DLGAP4: variants seen among roughly 807,000 people sequenced by gnomAD.
DLGAP4 encodes DLG associated protein 4, also known as disks large-associated protein 4.
A neutral mutation model predicts 86.9 loss-of-function variants in DLGAP4; 18 were observed. The observed-to-expected ratio is 0.21, with a 90% CI of 0.14 to 0.31. The LOEUF is 0.31. Among genes scored for constraint, DLGAP4 ranks in the 10% least tolerant of loss-of-function variants. The pLI is 1.00. For synonymous variants in DLGAP4, 548 were observed against 574.3 expected, an observed-to-expected ratio of 0.95 and a Z score of 0.65; for missense variants, 1,085 against 1,362.6, an observed-to-expected ratio of 0.80 and a Z score of 3.21.
At chr20:36,316,316 C>A (rs2065099119) in intron 1 of DLGAP4, among the ~76,000 whole-genome samples, 1 of 152,138 alleles carries the variant, frequency 6.6e-6, no homozygotes, top group Non-Finnish European at 1.5e-5. Context: ...ACAGCCCCCT[C>A]CTGCTTTGCC....
chr20:36,448,653 G>A (rs879327040), intron 7 of DLGAP4, among the ~76,000 whole-genome samples: 2 of 152,166 alleles, frequency 1.3e-5, no homozygotes, highest in Admixed American at 1.3e-4. Context: ...ACAATTGGGG[G>A]CTGGGCATGG....
chr20:36,528,415 T>G lies in DLGAP4; in HGVS notation c.*1384T>G, dbSNP rs1249985743. 1 of 151,502 alleles carries G rather than the reference T, an allele frequency of 6.6e-6. No homozygotes were observed. Among genetic ancestry groups the G allele is most frequent in the East Asian group, 2.0e-4 (1 of 5,116 alleles). 9.4% of individuals were successfully genotyped at this position (151,502 alleles called of 1,614,324 possible). ...ATGCGCCTCTCTGGCATCCGAGACA[T>G]CCTCTTGGCTGGCGCTTGCTGCAGG... On this transcript the variant is annotated 3_prime_UTR_variant, in exon 13 of 13. Transcript: ENST00000339266.
At chr20:36,338,496 C>T (rs1350012668) in intron 1 of DLGAP4, among the ~76,000 whole-genome samples, 1 of 152,172 alleles carries the variant, frequency 6.6e-6, no homozygotes, top group Non-Finnish European at 1.5e-5. Flanking sequence ...TGCTTGAACC[C>T]GGGAGGCGGA....
At chr20:36,526,434 G>A (rs1471341895) in intron 12 of DLGAP4, among the ~76,000 whole-genome samples, 1 of 152,044 alleles carries the variant, frequency 6.6e-6, no homozygotes, top group Non-Finnish European at 1.5e-5. Context: ...GTTGAACCGT[G>A]GCCCTGTCTA....
chr20:36,463,273 A>G lies in DLGAP4; in HGVS notation c.1648+16336A>G, dbSNP rs550711640. On this transcript the variant is annotated intron_variant, in intron 7 of 12. Coordinates refer to ENST00000339266, the MANE Select transcript of DLGAP4 (RefSeq NM_001365621.2). ...CCTTGTCCTCTCTGTCAGTTTCCCT[A>G]TCTGTAAAAAGTGGATAATTGTGCT... 7.2e-5 allele frequency among the ~76,000 whole-genome samples: 11 copies of G among 152,276 alleles called. No individual in the cohort carries two copies. The South Asian group carries it at 1.9e-3, about 26-fold the overall frequency.
At chr20:36,335,948 T>C (rs2065317324) in intron 1 of DLGAP4, among the ~76,000 whole-genome samples, 1 of 152,150 alleles carries the variant, frequency 6.6e-6, no homozygotes, top group Non-Finnish European at 1.5e-5. Context: ...GCAGATCAGA[T>C]CAGAGAGGAA....
At chr20:36,434,099 A>G (rs1202900037) in intron 3 of DLGAP4, among the ~76,000 whole-genome samples, 2 of 151,240 alleles carry the variant, frequency 1.3e-5, no homozygotes, top group East Asian at 3.9e-4. Context: ...GCGAGCCACC[A>G]AGACTGACCA....
intron 2 of DLGAP4, among the ~76,000 whole-genome samples, chr20:36,429,471 C>T (rs1307525509): frequency 7.3e-6 from 1 of 136,900 alleles, no homozygotes; most frequent in Non-Finnish European, 1.5e-5. Context: ...GTGGCACGAT[C>T]TCAGCTCACT....
At chr20:36,494,953 A>G (rs1192793440) in intron 7 of DLGAP4, among the ~76,000 whole-genome samples, 1 of 151,508 alleles carries the variant, frequency 6.6e-6, no homozygotes, top group African/African-American at 2.4e-5. Context: ...TCTCTACCAA[A>G]AGTAAAAAAG....
intron 7 of DLGAP4, among the ~76,000 whole-genome samples, chr20:36,479,280 G>A (rs1462763279): frequency 6.6e-6 from 1 of 152,056 alleles, no homozygotes; most frequent in Non-Finnish European, 1.5e-5. Flanking sequence ...AGTCTTCTAG[G>A]ATGAGGGCTC....
intron 2 of DLGAP4, among the ~76,000 whole-genome samples, chr20:36,401,175 C>T (rs1047094335): frequency 6.6e-6 from 1 of 152,174 alleles, no homozygotes; most frequent in Admixed American, 6.5e-5. Context: ...CTGCCGCTCC[C>T]TGAGAAAATG....
At chr20:36,514,256 T>C (rs112888920) in intron 10 of DLGAP4, among the ~76,000 whole-genome samples, 6 of 152,088 alleles carry the variant, frequency 3.9e-5, no homozygotes, top group African/African-American at 9.6e-5. Context: ...TTTGGTGGAA[T>C]TGTGATGGCA....
chr20:36,348,857 T>G (rs1197949299), intron 1 of DLGAP4, among the ~76,000 whole-genome samples: 1 of 150,886 alleles, frequency 6.6e-6, no homozygotes, highest in Non-Finnish European at 1.5e-5. Context: ...TCCCAGAACT[T>G]TGGGAGGCCG....
chr20:36,386,277 T>A (rs2031593788), intron 2 of DLGAP4, among the ~76,000 whole-genome samples: 1 of 152,038 alleles, frequency 6.6e-6, no homozygotes, highest in African/African-American at 2.4e-5. Flanking sequence ...ATAGGGGAGT[T>A]CCTTGCATAG....
intron 1 of DLGAP4, among the ~76,000 whole-genome samples, chr20:36,331,683 C>CAG (rs2147359576): frequency 6.6e-6 from 1 of 152,342 alleles, no homozygotes; most frequent in East Asian, 1.9e-4. Context: ...GTTTATGGAG[C>CAG]ACCTACTGTG....
intron 2 of DLGAP4, among the ~76,000 whole-genome samples, chr20:36,423,356 T>C (rs1034561404): frequency 7.0e-6 from 1 of 143,730 alleles, no homozygotes; most frequent in Non-Finnish European, 1.5e-5. Flanking sequence ...TTGAGGAGGC[T>C]GAGGCAGGAG....
intron 2 of DLGAP4, among the ~76,000 whole-genome samples, chr20:36,371,267 C>T (rs1028880697): frequency 2.6e-5 from 4 of 152,190 alleles, no homozygotes; most frequent in South Asian, 2.1e-4. Context: ...GCTATGCTGA[C>T]GGAGCATCTC....
intron 7 of DLGAP4, among the ~76,000 whole-genome samples, chr20:36,458,907 T>A (rs1289146240): frequency 6.6e-6 from 1 of 151,966 alleles, no homozygotes; most frequent in Non-Finnish European, 1.5e-5. Context: ...GGATTGGATG[T>A]GGGTGAGAGT....
At chr20:36,512,838 A>G (rs2036787124) in intron 10 of DLGAP4, 1 of 148,742 alleles carries the variant, frequency 6.7e-6, no homozygotes, top group Admixed American at 6.7e-5. Context: ...GGCTGAGGGA[A>G]GCCACCAGTG....
Sources: gnomAD v4.1 joint callset for allele counts (sites outside exome capture counted in the v4.1 genomes callset) on GRCh38, gnomAD v4.1.1 for gene constraint, MANE v1.5 for transcripts, NCBI Gene and HGNC (gene_info 2026-07-23, HGNC 2026-07-21) for gene names.